The following FGF12 variants were observed in gnomAD, a reference collection of about 807,000 sequenced individuals.
FGF12 encodes fibroblast growth factor 12, also known as fibroblast growth factor 12B.
FGF12 carries 14 observed loss-of-function variants against 23.6 expected under a neutral mutation model. That is an observed-to-expected ratio of 0.59 (90% CI 0.39 to 0.93). FGF12 has a LOEUF of 0.93. Ranked by LOEUF, FGF12 falls within the 40% of genes least tolerant of loss-of-function variation. The probability of loss-of-function intolerance (pLI) is 0.00; values close to 1 mark genes in which losing one functional copy is unlikely to be tolerated. For missense variants in FGF12, 175 were observed against 217.8 expected, an observed-to-expected ratio of 0.80 and a Z score of 1.24; for synonymous variants, 62 against 77.3, an observed-to-expected ratio of 0.80 and a Z score of 1.04.
intron 2 of FGF12, among the ~76,000 whole-genome samples, chr3:192,474,061 C>T (rs1456874716): frequency 6.6e-6 from 1 of 152,092 alleles, no homozygotes; most frequent in Admixed American, 6.5e-5. Context: ...CAGAAGAAAA[C>T]CTTATGCATA....
intron 4 of FGF12, among the ~76,000 whole-genome samples, chr3:192,185,797 G>A (rs1716427135): frequency 6.6e-6 from 1 of 151,586 alleles, no homozygotes; most frequent in South Asian, 2.1e-4. Flanking sequence ...AGGCGGAGGT[G>A]GCAATGAGCC....
chr3:192,565,979 G>A (rs1343334409), intron 2 of FGF12, among the ~76,000 whole-genome samples: 2 of 152,176 alleles, frequency 1.3e-5, no homozygotes, highest in African/African-American at 4.8e-5. Context: ...CCAGCTACTC[G>A]GGAGGCTGAG....
intron 2 of FGF12, among the ~76,000 whole-genome samples, chr3:192,399,146 TG>T (rs1720653258): frequency 6.6e-6 from 1 of 151,334 alleles, no homozygotes; most frequent in Non-Finnish European, 1.5e-5. Flanking sequence ...AGTGGTGCCT[TG>T]GACAGAACGT....
At chr3:192,205,850 C>G (rs12494588) in intron 4 of FGF12, among the ~76,000 whole-genome samples, 38,686 of 151,934 alleles carry the variant, frequency 0.25, 6,137 homozygotes, top group African/African-American at 0.45. Flanking sequence ...TACATCCCTG[C>G]AGGGACACAG....
chr3:192,716,791 C>A (rs192102737), intron 2 of FGF12, among the ~76,000 whole-genome samples: 1 of 152,120 alleles, frequency 6.6e-6, no homozygotes, highest in Non-Finnish European at 1.5e-5. Flanking sequence ...AATTAGGAAG[C>A]AAGGATACAG....
At chr3:192,234,371 G>A (rs1719174429) in intron 4 of FGF12, among the ~76,000 whole-genome samples, 1 of 151,842 alleles carries the variant, frequency 6.6e-6, no homozygotes, top group African/African-American at 2.4e-5. Flanking sequence ...GCTACTAATT[G>A]TTGTACATTT....
intron 2 of FGF12, among the ~76,000 whole-genome samples, chr3:192,451,776 T>C (rs911857164): frequency 2.6e-5 from 4 of 152,222 alleles, no homozygotes; most frequent in Non-Finnish European, 4.4e-5. Context: ...CATGGCTGTA[T>C]AATAGCCCAT....
chr3:192,467,893 T>C (rs1723057074), intron 2 of FGF12, among the ~76,000 whole-genome samples: 2 of 152,156 alleles, frequency 1.3e-5, no homozygotes, highest in African/African-American at 4.8e-5. Context: ...AAAAGAAGTC[T>C]TCAGCGGCAG....
rs1720348705 is a variant in FGF12, at chr3:192,392,593, AGAGAG to A, written c.14-32060_14-32056del. 2.1e-4 allele frequency among the ~76,000 whole-genome samples: 3 copies of A among 14,002 alleles called. No homozygotes were observed. In the African/African-American group the frequency reaches 2.4e-3, roughly 11 times the overall value. The allele number at this position is 14,002 out of a possible 152,430, so 9.2% of individuals were successfully genotyped here. On this transcript the variant is annotated intron_variant, in intron 2 of 5. Transcript: ENST00000445105. ...CCTGGGCAACAAAAGTGAAACTCCG[AGAGAG>A]AGAGAGAGAGAGAGAGAGAGAGAGA...
chr3:192,435,025 A>T (rs1055493852), intron 2 of FGF12, among the ~76,000 whole-genome samples: 6 of 152,108 alleles, frequency 3.9e-5, no homozygotes, highest in Non-Finnish European at 7.4e-5. Flanking sequence ...CATTTTCACA[A>T]TTATTCCATC....
intron 2 of FGF12, among the ~76,000 whole-genome samples, chr3:192,682,457 T>A (rs1005748885): frequency 6.6e-6 from 1 of 152,206 alleles, no homozygotes; most frequent in Non-Finnish European, 1.5e-5. Flanking sequence ...TCTCTTCACC[T>A]CTGGATCTCA....
intron 4 of FGF12, among the ~76,000 whole-genome samples, chr3:192,286,043 G>C (rs945485857): frequency 2.6e-5 from 4 of 151,980 alleles, no homozygotes; most frequent in African/African-American, 9.7e-5. Flanking sequence ...CAGGCTTAGA[G>C]AAGGCCAGTC....
intron 2 of FGF12, among the ~76,000 whole-genome samples, chr3:192,399,500 C>T (rs866189849): frequency 1.3e-5 from 2 of 152,144 alleles, no homozygotes; most frequent in African/African-American, 4.8e-5. Flanking sequence ...TGGGCTGAGA[C>T]AGAAGAGATC....
chr3:192,334,725 T>C (rs535676749), intron 4 of FGF12, among the ~76,000 whole-genome samples: 1 of 152,128 alleles, frequency 6.6e-6, no homozygotes, highest in Non-Finnish European at 1.5e-5. Flanking sequence ...AACATGCTCA[T>C]TTGAAAAGTC....
chr3:192,339,585 C>T (rs1048713194), intron 3 of FGF12, among the ~76,000 whole-genome samples: 12 of 152,050 alleles, frequency 7.9e-5, no homozygotes, highest in African/African-American at 2.9e-4. Flanking sequence ...GGAGTTTGTC[C>T]TCTTTTGTCC....
At chr3:192,326,018 T>C (rs1560070485) in intron 4 of FGF12, among the ~76,000 whole-genome samples, 1 of 152,154 alleles carries the variant, frequency 6.6e-6, no homozygotes, top group African/African-American at 2.4e-5. Context: ...AGACAGCCAG[T>C]GAATTATTGC....
chr3:192,541,568 A>T (rs1560144681), intron 2 of FGF12, among the ~76,000 whole-genome samples: 3 of 152,268 alleles, frequency 2.0e-5, no homozygotes, highest in South Asian at 4.1e-4. Context: ...ACACATCAAA[A>T]TTATGGTGTC....
At position 192,580,780 on chromosome 3, in the gene FGF12, G is replaced by A. The variant is rs569116072; in HGVS notation, c.13+146401C>T. ...GCACCACTGTGCCCAGATAATTTTA[G>A]TAGAGACAGGGTTTCACCATGTTGG... On this transcript the variant is annotated intron_variant, in intron 2 of 5. Transcript: ENST00000445105. Among the ~76,000 whole-genome samples, 11 of 152,100 alleles carry A rather than the reference G, an allele frequency of 7.2e-5. No individual in the cohort carries two copies. The South Asian group carries it at 2.3e-3, about 32-fold the overall frequency.
chr3:192,357,091 T>C (rs1258264914), intron 3 of FGF12, among the ~76,000 whole-genome samples: 1 of 152,196 alleles, frequency 6.6e-6, no homozygotes, highest in East Asian at 1.9e-4. Flanking sequence ...TGTTGTTACG[T>C]AACATGGTAC....
Sources: allele counts gnomAD v4.1 joint callset (sites outside exome capture counted in the v4.1 genomes callset), GRCh38; gene constraint gnomAD v4.1.1; transcripts MANE v1.5; gene names NCBI Gene and HGNC (gene_info 2026-07-23, HGNC 2026-07-21).